BCAR3: variants seen among roughly 807,000 people sequenced by gnomAD.
BCAR3 encodes the protein breast cancer anti-estrogen resistance protein 3.
Under a neutral mutation model 80.1 loss-of-function variants are expected in BCAR3, and 37 were observed. The observed-to-expected ratio is 0.46, with a 90% confidence interval of 0.36 to 0.61. BCAR3 has a LOEUF of 0.61. Ranked by LOEUF, BCAR3 falls within the 20% of genes least tolerant of loss-of-function variation. The pLI is 0.00. For missense variants in BCAR3, 978 were observed against 1,068.2 expected (o/e 0.92, Z 1.18); for synonymous variants, 389 against 418.9 (o/e 0.93, Z 0.87).
intron 3 of BCAR3, among the ~76,000 whole-genome samples, chr1:93,625,080 G>A (rs568010809): frequency 2.6e-5 from 4 of 152,244 alleles, no homozygotes; most frequent in Admixed American, 6.5e-5. Context: ...GCATGGTGGC[G>A]GGGGCCTGTA....
chr1:93,754,352 C>T (rs1202533750), intron 2 of BCAR3: 3 of 152,174 alleles, frequency 2.0e-5, no homozygotes, highest in Non-Finnish European at 4.4e-5. Context: ...GTTCCCTGAA[C>T]ACAAAGGGCA....
intron 2 of BCAR3, among the ~76,000 whole-genome samples, chr1:93,822,821 C>CCCCCAGGCCATGCGAGCAG (rs1489191561): frequency 7.3e-6 from 1 of 136,674 alleles, no homozygotes; most frequent in African/African-American, 2.5e-5. Context: ...ACCTACCCAT[C>CCCCCAGGCCATGCGAGCAG]AACTCATCAC....
chr1:93,712,828 G>A (rs914409080), intron 2 of BCAR3, among the ~76,000 whole-genome samples: 15 of 152,144 alleles, frequency 9.9e-5, no homozygotes, highest in Admixed American at 2.0e-4. Flanking sequence ...TTAAACCTGG[G>A]TTCTCGTCCC....
In BCAR3 at chr1:93,606,610, AC is replaced by A. The variant is rs1487200530; in HGVS notation, c.358-14218del. Among the ~76,000 whole-genome samples, 5 of 152,164 alleles carry A rather than the reference AC, an allele frequency of 3.3e-5. No homozygotes were observed. In the East Asian group the frequency reaches 9.6e-4, roughly 29 times the overall value. On this transcript the variant is annotated intron_variant, in intron 3 of 11. Coordinates refer to ENST00000260502, the MANE Select transcript of BCAR3 (RefSeq NM_003567.4). ...TCTGCTGGGCCTTCTGGATGGAGTCACTTACTGGGCCATGGGGTCCAGGTGC... is the reference window on the plus strand; with the variant it reads ...TCTGCTGGGCCTTCTGGATGGAGTCATTACTGGGCCATGGGGTCCAGGTGC...
In BCAR3 at chr1:93,571,443, A is replaced by G. The variant is rs376852005; in HGVS notation, c.1974+227T>C. The G allele has an allele frequency of 4.0e-4, 197 of 487,680 alleles. 4 individuals carry two copies. The highest frequency in any genetic ancestry group is 4.0e-3 in the South Asian group (194 of 48,032). The allele number at this position is 487,680 out of a possible 1,614,324, so 30.2% of individuals were successfully genotyped here. A position where few individuals can be genotyped will look rare whatever the true frequency, so the allele number is the denominator to read the frequency against. On this transcript the variant is annotated intron_variant, in intron 9 of 11. Transcript: ENST00000260502. The stretch of plus-strand genomic sequence containing the variant: ...AGCCTGGGAGGTGGAGGTTGCAGTG[A>G]GCTGAGATTGTGCCACTGCTAGCCT...
chr1:93,824,362 G>A (rs1283827668), intron 2 of BCAR3, among the ~76,000 whole-genome samples: 1 of 133,902 alleles, frequency 7.5e-6, no homozygotes, highest in African/African-American at 2.5e-5. Flanking sequence ...AAGCACTGTT[G>A]GCACTGAACA....
rs752471506 is a variant in BCAR3 at position 93,593,521 on chromosome 1, G to GCCAC, written c.358-1132_358-1129dup. On this transcript the variant is annotated intron_variant, in intron 3 of 11. Transcript: ENST00000260502. ...GTAGCTAGGACTACAACAGGCACGTGCCACCATGCCTGGCTAATTTTTGTA... is the reference window on the plus strand; with the variant it reads ...GTAGCTAGGACTACAACAGGCACGTGCCACCCACCATGCCTGGCTAATTTTTGTA... Among the ~76,000 whole-genome samples, 74 of 151,598 alleles carry GCCAC rather than the reference G, an allele frequency of 4.9e-4. 1 individual carries two copies. In the Middle Eastern group the frequency reaches 0.017, roughly 35 times the overall value.
intron 3 of BCAR3, among the ~76,000 whole-genome samples, chr1:93,596,885 C>T (rs1328319522): frequency 1.3e-5 from 2 of 152,272 alleles, no homozygotes; most frequent in African/African-American, 2.4e-5. Flanking sequence ...GAGCTCACCC[C>T]ACACAGCAGC....
chr1:93,562,410 G>T lies in BCAR3; in HGVS notation c.2309C>A (p.Pro770Gln), dbSNP rs149846383. The T allele has an allele frequency of 1.1e-4, 172 of 1,613,102 alleles. No homozygotes were observed. The highest frequency in any genetic ancestry group is 1.3e-4 in the Non-Finnish European group (156 of 1,179,664). The change falls in exon 12 of 12, where the codon CCA becomes CAA. Residue 770 changes from proline (P) to glutamine (Q), a missense_variant. By Grantham distance (76) the Pro-to-Gln change is moderately conservative. Coordinates refer to ENST00000260502, the MANE Select transcript of BCAR3 (RefSeq NM_003567.4). ...GCAGATTTCATTCATTTCTTCATCT[G>T]GTTGAAAACCTAATGAAACAAAATA... ...NAERILAGFQ[P>Q]DEEMNEICKT...
chr1:93,662,458 C>A (rs1267780506), intron 2 of BCAR3, among the ~76,000 whole-genome samples: 2 of 151,476 alleles, frequency 1.3e-5, no homozygotes, highest in Non-Finnish European at 2.9e-5. Context: ...ACCAAGATCT[C>A]TTTTTTTTTA....
At chr1:93,709,973 G>A (rs567050894) in intron 2 of BCAR3, among the ~76,000 whole-genome samples, 5 of 152,254 alleles carry the variant, frequency 3.3e-5, no homozygotes, top group Admixed American at 2.6e-4. Flanking sequence ...GTTCGATGCT[G>A]TGTTTATTTT....
intron 2 of BCAR3, among the ~76,000 whole-genome samples, chr1:93,724,036 G>C (rs370237567): frequency 1.3e-5 from 2 of 152,218 alleles, no homozygotes; most frequent in African/African-American, 4.8e-5. Flanking sequence ...CTGATCCTCT[G>C]TCCAGGCCAG....
intron 3 of BCAR3, among the ~76,000 whole-genome samples, chr1:93,623,808 T>C (rs1273374861): frequency 6.6e-6 from 1 of 152,136 alleles, no homozygotes; most frequent in African/African-American, 2.4e-5. Context: ...CTGGCTCTGT[T>C]GGAGATTATG....
At chr1:93,712,685 A>G (rs1435136475) in intron 2 of BCAR3, among the ~76,000 whole-genome samples, 15 of 152,078 alleles carry the variant, frequency 9.9e-5, no homozygotes, top group Admixed American at 9.8e-4. Flanking sequence ...ACCTTACGCT[A>G]ATTGTCTCAT....
intron 4 of BCAR3, among the ~76,000 whole-genome samples, 157 bp from the exon 5 acceptor site, chr1:93,589,576 G>C (rs1674088961): frequency 6.6e-6 from 1 of 152,190 alleles, no homozygotes; most frequent in South Asian, 2.1e-4. Flanking sequence ...ATTCATAGAA[G>C]AGCCAATCAT....
chr1:93,706,472 C>T (rs941339727), intron 2 of BCAR3, among the ~76,000 whole-genome samples: 6 of 152,050 alleles, frequency 3.9e-5, no homozygotes, highest in African/African-American at 1.2e-4. Context: ...AAGGTCTTTA[C>T]TTTTCAATAG....
chr1:93,745,685 T>C (rs895103101), intron 2 of BCAR3, among the ~76,000 whole-genome samples: 6 of 152,096 alleles, frequency 3.9e-5, no homozygotes, highest in African/African-American at 1.4e-4. Context: ...GAGGCAGGGG[T>C]AGCAGGCAGG....
intron 1 of BCAR3, chr1:93,847,067 T>TA (rs988580688): frequency 2.3e-5 from 6 of 260,630 alleles, no homozygotes; most frequent in African/African-American, 1.2e-4. Flanking sequence ...GGTCGCCGCT[T>TA]ACGTCTCGCA....
intron 1 of BCAR3, among the ~76,000 whole-genome samples, chr1:93,676,457 C>G (rs899987296): frequency 5.3e-5 from 8 of 152,200 alleles, no homozygotes; most frequent in African/African-American, 1.9e-4. Flanking sequence ...TTAACTCTGT[C>G]CTCGGTTCAT....
Sources: gnomAD v4.1 joint callset for allele counts (sites outside exome capture counted in the v4.1 genomes callset) on GRCh38, gnomAD v4.1.1 for gene constraint, MANE v1.5 for transcripts, NCBI Gene and HGNC (gene_info 2026-07-23, HGNC 2026-07-21) for gene names.